The following B3GAT2 variants were observed in gnomAD, a reference collection of about 807,000 sequenced individuals.
B3GAT2 encodes beta-1,3-glucuronyltransferase 2, also known as galactosylgalactosylxylosylprotein 3-beta-glucuronosyltransferase 2.
B3GAT2 carries 26 observed loss-of-function variants against 27.8 expected under a neutral mutation model. That is an observed-to-expected ratio of 0.93 (90% CI 0.68 to 1.30). The LOEUF (loss-of-function observed/expected upper bound fraction) is 1.30. Ranked by LOEUF, B3GAT2 falls within the 50% of genes most tolerant of loss-of-function variation. The pLI is 0.00. For synonymous variants in B3GAT2, 218 were observed against 195.1 expected (o/e 1.12, Z -0.98); for missense variants, 458 against 459.0 (o/e 1.00, Z 0.02).
intron 2 of B3GAT2, among the ~76,000 whole-genome samples, chr6:70,893,912 G>C (rs1195945228): frequency 2.0e-5 from 3 of 152,178 alleles, no homozygotes; most frequent in African/African-American, 7.2e-5. Flanking sequence ...AAATGGAACA[G>C]AAAGGGCATT....
At position 70,955,919 on chromosome 6, in the gene B3GAT2, G is replaced by A; in HGVS notation, c.511C>T (p.His171Tyr). ...NAGLAWLRQR[H>Y]QHQRAQPGVL... Reference sequence around the variant, plus strand: ...CCGGGCTGCGCGCGCTGGTGCTGGTGCCTCTGGCGCAGCCAGGCGAGGCCC... The same window carrying A: ...CCGGGCTGCGCGCGCTGGTGCTGGTACCTCTGGCGCAGCCAGGCGAGGCCC... Residue 171 changes from histidine to tyrosine, a missense_variant, in exon 1 of 4, where the codon CAC (histidine) becomes TAC (tyrosine). Transcript: ENST00000230053. 6.9e-6 allele frequency: 11 copies of A among 1,597,490 alleles called. No individual in the cohort carries two copies. Among genetic ancestry groups the A allele is most frequent in the Non-Finnish European group, 8.5e-6 (10 of 1,173,582 alleles).
chr6:70,900,239 G>C (rs1287605471), intron 1 of B3GAT2, among the ~76,000 whole-genome samples: 1 of 152,076 alleles, frequency 6.6e-6, no homozygotes, highest in Non-Finnish European at 1.5e-5. Context: ...TGGCTACAAA[G>C]GACACACAAG....
chr6:70,934,502 T>C (rs775838316), intron 1 of B3GAT2, among the ~76,000 whole-genome samples: 11 of 152,162 alleles, frequency 7.2e-5, no homozygotes, highest in Non-Finnish European at 1.5e-4. Context: ...GAAATATTGC[T>C]ATCTTTATTA....
chr6:70,902,617 GATATATATAT>G (rs61150776), intron 1 of B3GAT2, among the ~76,000 whole-genome samples: 20,508 of 125,294 alleles, frequency 0.16, 1,901 homozygotes, highest in East Asian at 0.39. Context: ...AAGAAAATGG[GATATATATAT>G]ATATATATAT....
At chr6:70,891,586 G>A (rs957819602) in intron 2 of B3GAT2, among the ~76,000 whole-genome samples, 4 of 152,108 alleles carry the variant, frequency 2.6e-5, no homozygotes, top group African/African-American at 9.7e-5. Flanking sequence ...ATACAAACAG[G>A]ACAGGCTCTG....
intron 1 of B3GAT2, among the ~76,000 whole-genome samples, chr6:70,944,993 C>A (rs928538057): frequency 6.6e-6 from 1 of 152,196 alleles, no homozygotes; most frequent in African/African-American, 2.4e-5. Context: ...CAAACTCCAA[C>A]AGACCTGCAG....
At chr6:70,870,447 C>T (rs939305202) in intron 2 of B3GAT2, among the ~76,000 whole-genome samples, 7 of 149,110 alleles carry the variant, frequency 4.7e-5, no homozygotes, top group African/African-American at 7.4e-5. Context: ...TGCTAAATGA[C>T]GAGTTAATGG....
At chr6:70,877,503 G>C (rs1772034279) in intron 2 of B3GAT2, among the ~76,000 whole-genome samples, 1 of 152,132 alleles carries the variant, frequency 6.6e-6, no homozygotes, top group Non-Finnish European at 1.5e-5. Context: ...AGAGTAACCT[G>C]TACGCTCTCC....
At chr6:70,927,783 A>G (rs1421009829) in intron 1 of B3GAT2, among the ~76,000 whole-genome samples, 1 of 152,222 alleles carries the variant, frequency 6.6e-6, no homozygotes, top group Non-Finnish European at 1.5e-5. Flanking sequence ...TCAATGAGAC[A>G]GAAGGTTAAC....
At position 70,931,075 on chromosome 6, in the gene B3GAT2, A is replaced by G. The variant is rs564363649; in HGVS notation, c.591+24764T>C. On this transcript the variant is annotated intron_variant, in intron 1 of 3. Transcript: ENST00000230053. ...TGGAAACCATCATTCTGAGCAAACT[A>G]TCTCAAGCACAGAAAACCAAACACC... 2.4e-4 allele frequency among the ~76,000 whole-genome samples: 37 copies of G among 152,278 alleles called. No homozygotes were observed. The East Asian group carries it at 5.0e-3, about 21-fold the overall frequency.
chr6:70,951,593 AATTGTT>A (rs1232721388), intron 1 of B3GAT2, among the ~76,000 whole-genome samples: 2 of 152,182 alleles, frequency 1.3e-5, no homozygotes, highest in Non-Finnish European at 2.9e-5. Flanking sequence ...TTTAGGCCCA[AATTGTT>A]ATTTCTGGTC....
At chr6:70,879,021 CAACA>C in intron 2 of B3GAT2, among the ~76,000 whole-genome samples, 1 of 152,276 alleles carries the variant, frequency 6.6e-6, no homozygotes, top group Middle Eastern at 3.4e-3. Context: ...TTCCAGATTC[CAACA>C]AACAGCTTTA....
At chr6:70,891,492 C>A (rs1487976293) in intron 2 of B3GAT2, among the ~76,000 whole-genome samples, 1 of 152,084 alleles carries the variant, frequency 6.6e-6, no homozygotes, top group Non-Finnish European at 1.5e-5. Context: ...GTAAGAACTA[C>A]TAGAATGACA....
chr6:70,923,695 G>A (rs945204786), intron 1 of B3GAT2, among the ~76,000 whole-genome samples: 3 of 152,146 alleles, frequency 2.0e-5, no homozygotes, highest in African/African-American at 7.2e-5. Flanking sequence ...ACCCTGCTTA[G>A]AAACATCTCA....
intron 2 of B3GAT2, among the ~76,000 whole-genome samples, chr6:70,889,939 G>A (rs1392305870): frequency 6.6e-6 from 1 of 151,754 alleles, no homozygotes; most frequent in African/African-American, 2.4e-5. Context: ...TTGCCACCAC[G>A]CCCAGCTAAT....
intron 1 of B3GAT2, among the ~76,000 whole-genome samples, chr6:70,939,624 A>G (rs1282520074): frequency 6.6e-6 from 1 of 151,882 alleles, no homozygotes; most frequent in Non-Finnish European, 1.5e-5. Flanking sequence ...GGAAATCATC[A>G]TTCTCAGTAA....
At chr6:70,935,740 C>A (rs914817255) in intron 1 of B3GAT2, among the ~76,000 whole-genome samples, 1 of 152,112 alleles carries the variant, frequency 6.6e-6, no homozygotes, top group African/African-American at 2.4e-5. Context: ...CTTACAAGAG[C>A]TCCTGAAGGA....
At chr6:70,930,608 G>C (rs1016343016) in intron 1 of B3GAT2, among the ~76,000 whole-genome samples, 1 of 152,208 alleles carries the variant, frequency 6.6e-6, no homozygotes, top group African/African-American at 2.4e-5. Flanking sequence ...CCGGCCATCA[G>C]AGAAATACAA....
intron 2 of B3GAT2, among the ~76,000 whole-genome samples, chr6:70,884,100 AAAAAAAAAAAAAAC>A (rs1396549961): frequency 4.3e-4 from 65 of 149,876 alleles, no homozygotes; most frequent in African/African-American, 1.5e-3. Context: ...AGACTCAAAA[AAAAAAAAAAAAAAC>A]AAAAAAAACC....
Sources: gnomAD v4.1 joint callset for allele counts (sites outside exome capture counted in the v4.1 genomes callset) on GRCh38, gnomAD v4.1.1 for gene constraint, MANE v1.5 for transcripts, NCBI Gene and HGNC (gene_info 2026-07-23, HGNC 2026-07-21) for gene names.